Variants in CCDC6 observed in about 807,000 individuals in gnomAD.
CCDC6 encodes the protein coiled-coil domain containing 6.
Under a neutral mutation model 56.6 loss-of-function variants are expected in CCDC6, and 20 were observed. The ratio of observed to expected loss-of-function variants is 0.35; its 90% confidence interval spans 0.25 to 0.51. The LOEUF (loss-of-function observed/expected upper bound fraction) is 0.51. Ranked by LOEUF, CCDC6 falls within the 20% of genes least tolerant of loss-of-function variation. CCDC6 has a pLI of 0.95. For missense variants in CCDC6, 367 were observed against 601.1 expected, an observed-to-expected ratio of 0.61 and a Z score of 4.07; for synonymous variants, 241 against 234.4, an observed-to-expected ratio of 1.03 and a Z score of -0.26.
chr10:59,894,224 C>A (rs1029267878), intron 1 of CCDC6, among the ~76,000 whole-genome samples: 2 of 152,312 alleles, frequency 1.3e-5, no homozygotes, highest in South Asian at 4.1e-4. Context: ...ACTCTTCCCC[C>A]GCCCTTCTGT....
chr10:59,810,312 C>T (rs1406930702), intron 5 of CCDC6, among the ~76,000 whole-genome samples: 1 of 152,214 alleles, frequency 6.6e-6, no homozygotes, highest in Non-Finnish European at 1.5e-5. Flanking sequence ...GCCACTGCTG[C>T]TTCTTTAGTT....
In CCDC6 at chr10:59,802,815, C is replaced by T. The variant is rs535042126; in HGVS notation, c.1105+1605G>A. Among the ~76,000 whole-genome samples the T allele has an allele frequency of 4.3e-4, 65 of 152,242 alleles. 1 individual carries two copies. The South Asian group carries it at 0.012, about 28-fold the overall frequency. On this transcript the variant is annotated intron_variant, in intron 7 of 8. Coordinates refer to ENST00000263102, the MANE Select transcript of CCDC6 (RefSeq NM_005436.5). ...TCCTAACCAAGGTCTGACATTTGTT[C>T]TTTTTCTTTTCTCAATGATTGCAAC...
chr10:59,807,063 G>A lies in CCDC6; in HGVS notation c.863C>T (p.Ala288Val). 1.2e-6 allele frequency: 2 copies of A among 1,613,270 alleles called. No individual in the cohort carries two copies. Among genetic ancestry groups the A allele is most frequent in the Admixed American group, 1.7e-5 (1 of 59,788 alleles). Residue 288 changes from alanine (A) to valine (V), a missense_variant, in exon 6 of 9, where the codon GCA (alanine) becomes GTA (valine). Physicochemically the swap from Ala to Val is moderately conservative, Grantham distance 64 (BLOSUM62 0). This residue lies in a region of CCDC6 where 81 missense variants were observed against 150.8 expected (regional missense o/e 0.54). Transcript: ENST00000263102. ...AAQLQHSEKMAQYLEEERHMR... is the reference protein window; with the variant it reads ...AAQLQHSEKMVQYLEEERHMR... Reference sequence around the variant, plus strand: ...GTGACGTTCCTCCTCCAGATACTGTGCCATTTTCTCTGAATCTGAAAAGTC... The same window carrying A: ...GTGACGTTCCTCCTCCAGATACTGTACCATTTTCTCTGAATCTGAAAAGTC...
At chr10:59,868,543 C>T (rs1483812262) in intron 1 of CCDC6, among the ~76,000 whole-genome samples, 1 of 152,210 alleles carries the variant, frequency 6.6e-6, no homozygotes, top group Admixed American at 6.5e-5. Flanking sequence ...TTGCTGGCTC[C>T]AGGTCTCTTA....
chr10:59,868,180 T>G (rs1458300180), intron 1 of CCDC6, among the ~76,000 whole-genome samples: 1 of 152,170 alleles, frequency 6.6e-6, no homozygotes, highest in Non-Finnish European at 1.5e-5. Context: ...ACTTTTGAGC[T>G]CACAATCTGA....
chr10:59,885,501 G>A (rs982667425), intron 1 of CCDC6, among the ~76,000 whole-genome samples: 8 of 152,168 alleles, frequency 5.3e-5, no homozygotes, highest in African/African-American at 1.9e-4. Context: ...AATAATTCAA[G>A]TCTAATTCAA....
intron 1 of CCDC6, among the ~76,000 whole-genome samples, chr10:59,880,249 C>T (rs372710004): frequency 6.6e-6 from 1 of 152,010 alleles, no homozygotes; most frequent in East Asian, 1.9e-4. Flanking sequence ...TCCAATTTTA[C>T]AAGTTCTGAA....
At chr10:59,880,959 T>C (rs1187913861) in intron 1 of CCDC6, among the ~76,000 whole-genome samples, 1 of 152,154 alleles carries the variant, frequency 6.6e-6, no homozygotes, top group East Asian at 1.9e-4. Flanking sequence ...AGTTCTGACA[T>C]GATCAGAGAT....
At chr10:59,831,250 T>G (rs1293923710) in intron 3 of CCDC6, among the ~76,000 whole-genome samples, 2 of 152,196 alleles carry the variant, frequency 1.3e-5, no homozygotes, top group Non-Finnish European at 2.9e-5. Context: ...AGCCAGCACT[T>G]GAAAACTGAA....
intron 2 of CCDC6, among the ~76,000 whole-genome samples, chr10:59,849,959 G>C (rs994213986): frequency 4.6e-5 from 7 of 152,188 alleles, no homozygotes; most frequent in African/African-American, 1.7e-4. Context: ...CCTGAGGGAT[G>C]AGTATCATAG....
Position 59,882,427 on chromosome 10 carries a change from C to CGGGGGGAGA in CCDC6, c.303+23694_303+23695insTCTCCCCCC, listed in dbSNP as rs2071347709. On this transcript the variant is annotated intron_variant, in intron 1 of 8. Coordinates refer to ENST00000263102, the MANE Select transcript of CCDC6 (RefSeq NM_005436.5). ...GCCAGGGGGAGAAGGAAAGGAAAGC[C>CGGGGGGAGA]AGGGGGAGAAGGAAAGGAAAGCCGG... Among the ~76,000 whole-genome samples the CGGGGGGAGA allele has an allele frequency of 3.6e-4, 10 of 28,092 alleles. 1 individual carries two copies. Among genetic ancestry groups the CGGGGGGAGA allele is most frequent in the Non-Finnish European group, 6.2e-4 (9 of 14,502 alleles). 18.4% of individuals were successfully genotyped at this position (28,092 alleles called of 152,430 possible).
intron 3 of CCDC6, 118 bp downstream of exon 3, chr10:59,832,407 G>T: frequency 1.2e-6 from 1 of 857,914 alleles, no homozygotes; most frequent in Non-Finnish European, 1.8e-6. Context: ...AGTCTCCACA[G>T]TGGGGAGAGA....
chr10:59,895,938 C>G (rs972178185), intron 1 of CCDC6, among the ~76,000 whole-genome samples: 2 of 152,108 alleles, frequency 1.3e-5, no homozygotes, highest in Non-Finnish European at 2.9e-5. Flanking sequence ...GTGATGAGCC[C>G]CAGTAAAAAT....
rs114338752 is a variant in CCDC6 at position 59,843,218 on chromosome 10, G to C, written c.453+9335C>G. 8.4e-3 allele frequency among the ~76,000 whole-genome samples: 1,281 copies of C among 152,310 alleles called. 17 individuals carry two copies. Among genetic ancestry groups the C allele is most frequent in the African/African-American group, 0.029 (1,207 of 41,564 alleles). On this transcript the variant is annotated intron_variant, in intron 2 of 8. Transcript: ENST00000263102. ...AAATTACTTTATCCTTGAATGTTTGGTACAACTCTCAATGAAACCATTTGG... is the reference window on the plus strand; with the variant it reads ...AAATTACTTTATCCTTGAATGTTTGCTACAACTCTCAATGAAACCATTTGG...
chr10:59,823,125 T>C (rs1295129356), intron 3 of CCDC6, among the ~76,000 whole-genome samples: 2 of 152,166 alleles, frequency 1.3e-5, no homozygotes, highest in Non-Finnish European at 2.9e-5. Flanking sequence ...CATCCTTCAA[T>C]TCATTTGTGC....
intron 1 of CCDC6, among the ~76,000 whole-genome samples, chr10:59,896,602 AAACAAAAACAAG>A (rs556764085): frequency 6.6e-5 from 10 of 151,346 alleles, no homozygotes; most frequent in East Asian, 5.8e-4. Context: ...AAAAAAAAAC[AAACAAAAACAAG>A]AACAAAAACA....
intron 2 of CCDC6, among the ~76,000 whole-genome samples, chr10:59,845,346 G>GTTT (rs151236986): frequency 2.2e-3 from 209 of 96,926 alleles, no homozygotes; most frequent in East Asian, 9.2e-3. Flanking sequence ...GCCCCTATGG[G>GTTT]TTTTTTTTTT....
chr10:59,798,991 CAAAAAAAAAAAAAAA>C (rs34505959), intron 7 of CCDC6, among the ~76,000 whole-genome samples: 1 of 76,972 alleles, frequency 1.3e-5, no homozygotes, highest in Admixed American at 1.8e-4. Context: ...AAGACTGTTT[CAAAAAAAAAAAAAAA>C]AAAAAAAAAA....
At chr10:59,815,013 TGGAAAGTCCTCCTTA>T in intron 3 of CCDC6, among the ~76,000 whole-genome samples, 1 of 152,302 alleles carries the variant, frequency 6.6e-6, no homozygotes, top group East Asian at 1.9e-4. Flanking sequence ...TCAAGGCAAG[TGGAAAGTCCTCCTTA>T]GAGAGGTCTT....
Sources: gnomAD v4.1 joint callset for allele counts (sites outside exome capture counted in the v4.1 genomes callset) on GRCh38, gnomAD v4.1.1 for gene constraint, gnomAD v4.1.1 regional missense constraint, MANE v1.5 for transcripts, NCBI Gene and HGNC (gene_info 2026-07-23, HGNC 2026-07-21) for gene names.